SFMBT1: variants seen among roughly 807,000 people sequenced by gnomAD.
SFMBT1 encodes the protein scm-like with four MBT domains protein 1.
Under a neutral mutation model 108.7 loss-of-function variants are expected in SFMBT1, and 32 were observed. The observed-to-expected ratio is 0.29, with a 90% CI of 0.22 to 0.40. SFMBT1 has a LOEUF of 0.40. Among genes scored for constraint, SFMBT1 ranks in the 10% least tolerant of loss-of-function variants. SFMBT1 has a pLI of 1.00. For synonymous variants in SFMBT1, 348 were observed against 369.5 expected, an observed-to-expected ratio of 0.94 and a Z score of 0.67; for missense variants, 816 against 1,059.6, an observed-to-expected ratio of 0.77 and a Z score of 3.19.
At chr3:53,032,682 TTTAG>T (rs1233170458) in intron 1 of SFMBT1, among the ~76,000 whole-genome samples, 1 of 152,252 alleles carries the variant, frequency 6.6e-6, no homozygotes, top group Non-Finnish European at 1.5e-5. Context: ...CTATAATTTA[TTTAG>T]TGTCTACTCT....
chr3:53,010,723 T>C (rs1436253325), intron 1 of SFMBT1, among the ~76,000 whole-genome samples: 1 of 152,214 alleles, frequency 6.6e-6, no homozygotes, highest in Non-Finnish European at 1.5e-5. Context: ...CATCTCTGTA[T>C]ATATAGAACT....
At chr3:53,002,383 A>G (rs1698588022) in intron 1 of SFMBT1, among the ~76,000 whole-genome samples, 1 of 133,994 alleles carries the variant, frequency 7.5e-6, no homozygotes, top group Non-Finnish European at 1.6e-5. Flanking sequence ...TGGGTGACAG[A>G]GCGAGACTCC....
intron 1 of SFMBT1, among the ~76,000 whole-genome samples, chr3:52,996,160 T>C (rs1170717209): frequency 2.1e-5 from 3 of 146,282 alleles, no homozygotes; most frequent in Non-Finnish European, 4.6e-5. Context: ...GCAAAACATA[T>C]ACCTAATATG....
intron 1 of SFMBT1, among the ~76,000 whole-genome samples, chr3:53,007,966 A>T (rs1359984721): frequency 1.3e-5 from 2 of 151,970 alleles, no homozygotes; most frequent in Non-Finnish European, 2.9e-5. Flanking sequence ...ATAATTTCCA[A>T]CCCATCAAGA....
At chr3:53,000,159 G>A (rs1698494699) in intron 1 of SFMBT1, among the ~76,000 whole-genome samples, 1 of 149,838 alleles carries the variant, frequency 6.7e-6, no homozygotes, top group African/African-American at 2.4e-5. Context: ...ACCGCACCCA[G>A]CCTACTCTTA....
In SFMBT1 at chr3:52,907,700, A is replaced by G. The variant is rs775025818; in HGVS notation, c.1940T>C (p.Ile647Thr). ...HYYGKKKNKR[I>T]GRPPGGHSNL... ...ACTATGCCCACCAGGTGGCCTCCCA[A>G]TTCTTTTATTTTTCTTCTTTCCGTA... The change falls in exon 18 of 21, where the codon ATT becomes ACT. Residue 647 changes from isoleucine (I) to threonine (T), a missense_variant. Transcript: ENST00000394752. The G allele has an allele frequency of 6.2e-7, 1 of 1,611,304 alleles. No homozygotes were observed. The highest frequency in any genetic ancestry group is 2.2e-5 in the East Asian group (1 of 44,860).
intron 13 of SFMBT1, among the ~76,000 whole-genome samples, chr3:52,916,678 AAACAACAACAAC>A (rs892386307): frequency 6.6e-6 from 1 of 151,456 alleles, no homozygotes; most frequent in African/African-American, 2.4e-5. Flanking sequence ...CAAAAAAACC[AAACAACAACAAC>A]AACAACAACA....
intron 8 of SFMBT1, among the ~76,000 whole-genome samples, chr3:52,929,343 G>T (rs750213880): frequency 9.2e-5 from 14 of 152,052 alleles, no homozygotes; most frequent in Non-Finnish European, 1.2e-4. Context: ...GGGTTCAAGC[G>T]ATTCTCTCAC....
At chr3:52,968,721 G>A (rs544980302) in intron 2 of SFMBT1, among the ~76,000 whole-genome samples, 1 of 151,392 alleles carries the variant, frequency 6.6e-6, no homozygotes, top group African/African-American at 2.4e-5. Context: ...TGCCCGAGTA[G>A]CTGGGACTAC....
chr3:52,992,053 T>C (rs1471612039), intron 1 of SFMBT1, among the ~76,000 whole-genome samples: 1 of 152,144 alleles, frequency 6.6e-6, no homozygotes, highest in African/African-American at 2.4e-5. Context: ...GATAATCTAT[T>C]CCACTTCTAA....
chr3:52,969,336 T>A (rs1176007375), intron 1 of SFMBT1, 78 bp from the exon 2 acceptor site: 1 of 1,376,390 alleles, frequency 7.3e-7, no homozygotes, highest in East Asian at 2.6e-5. Flanking sequence ...GGCACTCGAC[T>A]GGTTGAGAGA....
chr3:53,034,809 C>T (rs926295581), intron 1 of SFMBT1, among the ~76,000 whole-genome samples: 9 of 151,994 alleles, frequency 5.9e-5, no homozygotes, highest in Non-Finnish European at 7.4e-5. Context: ...CGTGGTGGCA[C>T]GTGCCTGTAA....
intron 1 of SFMBT1, among the ~76,000 whole-genome samples, chr3:53,008,718 C>CGAT: frequency 6.6e-6 from 1 of 151,700 alleles, no homozygotes; most frequent in Non-Finnish European, 1.5e-5. Flanking sequence ...GCAAGCTCCG[C>CGAT]CTCCCAGGTT....
At chr3:53,030,683 CAAAA>C (rs10668462) in intron 1 of SFMBT1, among the ~76,000 whole-genome samples, 10 of 82,768 alleles carry the variant, frequency 1.2e-4, no homozygotes, top group African/African-American at 3.9e-4. Context: ...GGCCATAATG[CAAAA>C]AAAAAAAAAA....
At chr3:52,938,979 T>C (rs922420852) in intron 4 of SFMBT1, among the ~76,000 whole-genome samples, 2 of 152,218 alleles carry the variant, frequency 1.3e-5, no homozygotes, top group East Asian at 1.9e-4. Flanking sequence ...GAAGTTCAGT[T>C]TGGCTAGATA....
At chr3:53,041,592 G>A (rs913990657) in intron 1 of SFMBT1, among the ~76,000 whole-genome samples, 2 of 150,492 alleles carry the variant, frequency 1.3e-5, no homozygotes, top group African/African-American at 4.9e-5. Context: ...CAGCTACTTG[G>A]GAGGCTGAGG....
chr3:53,033,541 G>C (rs1300987356), intron 1 of SFMBT1, among the ~76,000 whole-genome samples: 1 of 151,864 alleles, frequency 6.6e-6, no homozygotes, highest in Non-Finnish European at 1.5e-5. Context: ...TTTTGAAAGA[G>C]ATTTTGAAAA....
At chr3:53,021,364 C>T (rs894488024) in intron 1 of SFMBT1, among the ~76,000 whole-genome samples, 1 of 152,116 alleles carries the variant, frequency 6.6e-6, no homozygotes, top group Non-Finnish European at 1.5e-5. Flanking sequence ...GAAAATGTCT[C>T]TAGGAAAGCA....
At chr3:53,020,462 T>C (rs970823656) in intron 1 of SFMBT1, among the ~76,000 whole-genome samples, 1 of 152,194 alleles carries the variant, frequency 6.6e-6, no homozygotes, top group Non-Finnish European at 1.5e-5. Flanking sequence ...TTCACTCTAT[T>C]GAACACATCC....
Sources: gnomAD v4.1 joint callset for allele counts (sites outside exome capture counted in the v4.1 genomes callset) on GRCh38, gnomAD v4.1.1 for gene constraint, MANE v1.5 for transcripts, NCBI Gene and HGNC (gene_info 2026-07-23, HGNC 2026-07-21) for gene names.